The following CLNK variants were observed in gnomAD, a reference collection of about 807,000 sequenced individuals.
CLNK encodes the protein cytokine dependent hematopoietic cell linker.
Under a neutral mutation model 68.6 loss-of-function variants are expected in CLNK, and 74 were observed. The ratio of observed to expected loss-of-function variants is 1.08; its 90% CI spans 0.89 to 1.31. The LOEUF is 1.31. Among genes scored for constraint, CLNK ranks in the 50% most tolerant of loss-of-function variants. The probability of loss-of-function intolerance (pLI) is 0.00; values close to 1 mark genes in which losing one functional copy is unlikely to be tolerated. For missense variants in CLNK, 553 were observed against 515.3 expected (o/e 1.07, Z -0.71); for synonymous variants, 198 against 172.2 (o/e 1.15, Z -1.17).
chr4:10,541,150 G>T (rs943725355), intron 10 of CLNK, among the ~76,000 whole-genome samples: 1 of 142,252 alleles, frequency 7.0e-6, no homozygotes, highest in Non-Finnish European at 1.5e-5. Flanking sequence ...GGAGGCAAAT[G>T]TTGCAGTGAG....
At chr4:10,528,580 T>C (rs1344205527) in intron 12 of CLNK, among the ~76,000 whole-genome samples, 1 of 152,194 alleles carries the variant, frequency 6.6e-6, no homozygotes, top group Non-Finnish European at 1.5e-5. Flanking sequence ...TATTGGAATA[T>C]TATAAAGACA....
the CLNK span, among the ~76,000 whole-genome samples, chr4:10,714,460 C>T: frequency 6.6e-6 from 1 of 152,114 alleles, no homozygotes; most frequent in Non-Finnish European, 1.5e-5. Context: ...CTTTTTGTCA[C>T]AGAAGAACAA....
At chr4:10,643,170 T>C (rs1215486949) in intron 2 of CLNK, among the ~76,000 whole-genome samples, 1 of 152,208 alleles carries the variant, frequency 6.6e-6, no homozygotes, top group Admixed American at 6.5e-5. Context: ...GAATGAATCT[T>C]CCTGGAAGTT....
At chr4:10,623,682 C>T (rs1341253166) in intron 2 of CLNK, among the ~76,000 whole-genome samples, 1 of 152,220 alleles carries the variant, frequency 6.6e-6, no homozygotes, top group East Asian at 1.9e-4. Context: ...GTGTTAACCA[C>T]ACAGGTGATA....
At chr4:10,570,817 T>C (rs1178670683) in intron 5 of CLNK, among the ~76,000 whole-genome samples, 1 of 152,236 alleles carries the variant, frequency 6.6e-6, no homozygotes, top group Non-Finnish European at 1.5e-5. Context: ...TCTTTTTCTC[T>C]AGTTGTTAAA....
At chr4:10,638,816 A>T (rs1723194635) in intron 2 of CLNK, among the ~76,000 whole-genome samples, 1 of 152,208 alleles carries the variant, frequency 6.6e-6, no homozygotes, top group Non-Finnish European at 1.5e-5. Context: ...ATCTGGGATC[A>T]AGGCCATTCT....
chr4:10,564,934 T>C lies in CLNK; in HGVS notation c.293-157A>G, dbSNP rs114927854. ...TTTAACAGAGTAGGAGACTGACGTA[T>C]GCAGAGAAGAAATTGCTCATCTCAG... On this transcript the variant is annotated intron_variant, in intron 6 of 18. Coordinates refer to ENST00000226951, the MANE Select transcript of CLNK (RefSeq NM_052964.4). Among the ~76,000 whole-genome samples, 75 of 152,336 alleles carry C rather than the reference T, an allele frequency of 4.9e-4. 1 individual carries two copies. The highest frequency in any genetic ancestry group is 1.7e-3 in the African/African-American group (70 of 41,578).
chr4:10,615,011 C>G (rs543968579), intron 2 of CLNK, among the ~76,000 whole-genome samples: 1 of 151,978 alleles, frequency 6.6e-6, no homozygotes, highest in Non-Finnish European at 1.5e-5. Context: ...CATAGCAAAA[C>G]GCCATCTCTA....
the CLNK span, among the ~76,000 whole-genome samples, chr4:10,720,377 T>C: frequency 2.6e-3 from 392 of 152,128 alleles, 16 homozygotes; most frequent in Admixed American, 0.026. Context: ...ACAAATTATT[T>C]AAAGACTTCT....
At chr4:10,534,413 A>T (rs1177804015) in intron 11 of CLNK, among the ~76,000 whole-genome samples, 1 of 152,180 alleles carries the variant, frequency 6.6e-6, no homozygotes, top group Admixed American at 6.5e-5. Flanking sequence ...AAATGTAAAG[A>T]TATTACCTTT....
intron 2 of CLNK, among the ~76,000 whole-genome samples, chr4:10,662,160 A>G (rs1724217832): frequency 6.6e-6 from 1 of 152,198 alleles, no homozygotes; most frequent in South Asian, 2.1e-4. Context: ...GCTGGGGAGC[A>G]TCACAACACC....
intron 3 of CLNK, among the ~76,000 whole-genome samples, chr4:10,585,478 C>T (rs1250126661): frequency 2.0e-5 from 3 of 152,096 alleles, no homozygotes; most frequent in Non-Finnish European, 4.4e-5. Context: ...TGTTTCTGTA[C>T]CTCACTTCCA....
chr4:10,629,059 C>G (rs1418991389), intron 2 of CLNK, among the ~76,000 whole-genome samples: 1 of 152,188 alleles, frequency 6.6e-6, no homozygotes, highest in African/African-American at 2.4e-5. Flanking sequence ...CGGAAGTCCT[C>G]TTCTTCCCCC....
chr4:10,578,396 T>C (rs1239761081), intron 4 of CLNK, among the ~76,000 whole-genome samples: 1 of 152,114 alleles, frequency 6.6e-6, no homozygotes, highest in African/African-American at 2.4e-5. Context: ...CCTTCAGCTG[T>C]GAGGCACAGA....
rs1487415113 is a variant in CLNK, at chr4:10,613,527, ACTAGACTTAGG to A, written c.12-15489_12-15479del. 2.0e-5 allele frequency among the ~76,000 whole-genome samples: 3 copies of A among 152,324 alleles called. No individual in the cohort carries two copies. In the East Asian group the frequency reaches 5.8e-4, roughly 29 times the overall value. ...ACCCTGTCTGTAGTCATTGAGAGGC[ACTAGACTTAGG>A]CCATGGCTATGAAGCCATGTCAGGG... On this transcript the variant is annotated intron_variant, in intron 2 of 18. Transcript: ENST00000226951.
intron 2 of CLNK, among the ~76,000 whole-genome samples, chr4:10,604,895 T>C (rs1239965022): frequency 1.3e-5 from 2 of 152,252 alleles, no homozygotes; most frequent in African/African-American, 2.4e-5. Flanking sequence ...AGTGTAGACG[T>C]TGCTGTGAAG....
chr4:10,718,016 GAATA>G, the CLNK span, among the ~76,000 whole-genome samples: 10 of 152,152 alleles, frequency 6.6e-5, no homozygotes, highest in Admixed American at 2.0e-4. Flanking sequence ...ATAGAAAATA[GAATA>G]AATAGAGAAG....
chr4:10,567,635 G>A (rs2108825090), intron 5 of CLNK, among the ~76,000 whole-genome samples: 1 of 152,216 alleles, frequency 6.6e-6, no homozygotes, highest in South Asian at 2.1e-4. Flanking sequence ...AAATAAAAAG[G>A]CAACTGTGGA....
chr4:10,533,818 A>G (rs1160513057), intron 11 of CLNK, among the ~76,000 whole-genome samples: 2 of 152,220 alleles, frequency 1.3e-5, no homozygotes, highest in African/African-American at 4.8e-5. Flanking sequence ...AAGTGTCAAG[A>G]TGTGTTTGTC....
Sources: gnomAD v4.1 joint callset for allele counts (sites outside exome capture counted in the v4.1 genomes callset) on GRCh38, gnomAD v4.1.1 for gene constraint, MANE v1.5 for transcripts, NCBI Gene and HGNC (gene_info 2026-07-23, HGNC 2026-07-21) for gene names.